LRP1B: variants seen among roughly 807,000 people sequenced by gnomAD.
LRP1B encodes low-density lipoprotein receptor-related protein 1B.
In LRP1B, 217 loss-of-function variants were observed where a neutral mutation model predicts 556.6. The observed-to-expected ratio is 0.39, with a 90% CI of 0.35 to 0.44. The LOEUF is 0.44. Ranked by LOEUF, LRP1B falls within the 20% of genes least tolerant of loss-of-function variation. The probability of loss-of-function intolerance (pLI) is 1.00; values close to 1 mark genes in which losing one functional copy is unlikely to be tolerated. For missense variants in LRP1B, 5,053 were observed against 5,620.8 expected, an observed-to-expected ratio of 0.90 and a Z score of 3.23; for synonymous variants, 2,047 against 1,865.8, an observed-to-expected ratio of 1.10 and a Z score of -2.50.
At chr2:140,405,365 C>T (rs551282411) in intron 66 of LRP1B, among the ~76,000 whole-genome samples, 42 of 151,978 alleles carry the variant, frequency 2.8e-4, no homozygotes, top group Admixed American at 2.0e-3. Context: ...TAACAAAAAT[C>T]GGAGCAGAAT....
Position 140,524,548 on chromosome 2 carries a change from A to G in LRP1B, c.8026+1296T>C, listed in dbSNP as rs529767127. Among the ~76,000 whole-genome samples, 9 of 152,106 alleles carry G rather than the reference A, an allele frequency of 5.9e-5. No individual in the cohort carries two copies. In the South Asian group the frequency reaches 1.9e-3, roughly 31 times the overall value. ...AATAGCAAATATATTAAATTAATGT[A>G]GATGTCCATCAGTGGTGCACCGGAT... On this transcript the variant is annotated intron_variant, in intron 49 of 90. Transcript: ENST00000389484.
intron 3 of LRP1B, among the ~76,000 whole-genome samples, chr2:141,258,125 C>T (rs1350442155): frequency 6.6e-6 from 1 of 152,186 alleles, no homozygotes; most frequent in Non-Finnish European, 1.5e-5. Context: ...AGAACACAGA[C>T]ATGTAAACAC....
chr2:140,529,438 G>A (rs1235585059), intron 47 of LRP1B, among the ~76,000 whole-genome samples: 1 of 115,024 alleles, frequency 8.7e-6, no homozygotes, highest in African/African-American at 3.5e-5. Context: ...GAAAAGGGGG[G>A]GGGGAAGCAT....
intron 3 of LRP1B, among the ~76,000 whole-genome samples, chr2:141,266,948 C>G (rs1684912789): frequency 6.6e-6 from 1 of 152,088 alleles, no homozygotes. Context: ...TTAGCATAAT[C>G]TATAAAAAGA....
At chr2:141,303,318 A>G (rs1686464134) in intron 3 of LRP1B, among the ~76,000 whole-genome samples, 1 of 152,130 alleles carries the variant, frequency 6.6e-6, no homozygotes, top group South Asian at 2.1e-4. Flanking sequence ...ATTTTGAAAT[A>G]CACAATACAT....
At chr2:140,577,255 C>T (rs886826430) in intron 43 of LRP1B, among the ~76,000 whole-genome samples, 31 of 151,992 alleles carry the variant, frequency 2.0e-4, no homozygotes, top group African/African-American at 6.5e-4. Flanking sequence ...GAGGCTGAGG[C>T]GGGCAAATCA....
intron 20 of LRP1B, among the ~76,000 whole-genome samples, chr2:140,941,619 G>A (rs1049172017): frequency 2.6e-5 from 4 of 152,104 alleles, no homozygotes; most frequent in African/African-American, 9.7e-5. Flanking sequence ...AAAACATACT[G>A]CTTCAACATG....
chr2:141,685,792 A>G (rs1282418268), intron 2 of LRP1B, among the ~76,000 whole-genome samples: 1 of 152,058 alleles, frequency 6.6e-6, no homozygotes, highest in Non-Finnish European at 1.5e-5. Context: ...CAGAAGAAAT[A>G]AGTTAGCAGG....
At position 140,598,737 on chromosome 2, in the gene LRP1B, A is replaced by T. The variant is rs1480504707; in HGVS notation, c.7088T>A (p.Leu2363His). 1.2e-6 allele frequency: 2 copies of T among 1,613,302 alleles called. No individual in the cohort carries two copies. The highest frequency in any genetic ancestry group is 2.2e-5 in the South Asian group (2 of 91,064). Residue 2363 changes from leucine (L) to histidine (H), a missense_variant, in exon 43 of 91, where the codon CTC becomes CAC. Transcript: ENST00000389484. ...GTCGATAGTAAGTCCATTTGGAGTGAGTATGTCTGTACTGACCACCACTTG... is the reference window on the plus strand; with the variant it reads ...GTCGATAGTAAGTCCATTTGGAGTGTGTATGTCTGTACTGACCACCACTTG... ...NAQVVVSTDI[L>H]TPNGLTIDYR...
At chr2:142,088,965 G>A (rs12470903) in intron 1 of LRP1B, among the ~76,000 whole-genome samples, 93,062 of 134,934 alleles carry the variant, frequency 0.69, 31,471 homozygotes, top group Admixed American at 0.73. Context: ...ACAGAGCAAG[G>A]CTCCGTCTCA....
At chr2:141,467,852 A>AGGGGG (rs1163213986) in intron 3 of LRP1B, among the ~76,000 whole-genome samples, 2 of 133,344 alleles carry the variant, frequency 1.5e-5, no homozygotes, top group South Asian at 3.3e-4. Context: ...GGGGGGGGGA[A>AGGGGG]TTCCAGCATA....
At chr2:141,111,982 C>A (rs1700764893) in intron 7 of LRP1B, among the ~76,000 whole-genome samples, 1 of 151,428 alleles carries the variant, frequency 6.6e-6, no homozygotes, top group Non-Finnish European at 1.5e-5. Context: ...GGAGGCAGAG[C>A]TTGTAGTGAG....
At chr2:141,255,071 A>T (rs1440748536) in intron 3 of LRP1B, among the ~76,000 whole-genome samples, 1 of 152,018 alleles carries the variant, frequency 6.6e-6, no homozygotes, top group African/African-American at 2.4e-5. Context: ...ATCTCATCTC[A>T]ATATTTTATT....
chr2:140,608,248 A>G (rs940824597), intron 41 of LRP1B, among the ~76,000 whole-genome samples: 1 of 152,198 alleles, frequency 6.6e-6, no homozygotes, highest in African/African-American at 2.4e-5. Flanking sequence ...ATAGTTGTAT[A>G]TATACAAAAA....
At chr2:141,780,633 C>G (rs1262085059) in intron 2 of LRP1B, among the ~76,000 whole-genome samples, 1 of 152,092 alleles carries the variant, frequency 6.6e-6, no homozygotes, top group Non-Finnish European at 1.5e-5. Context: ...CCCTCTTTCC[C>G]AAGCCATTAT....
intron 1 of LRP1B, among the ~76,000 whole-genome samples, chr2:141,918,102 A>T (rs941948425): frequency 4.6e-5 from 7 of 152,112 alleles, no homozygotes; most frequent in Non-Finnish European, 1.0e-4. Context: ...TATTTTCTTT[A>T]AAAAGGGAAA....
chr2:140,671,013 G>C (rs143034962), intron 41 of LRP1B, among the ~76,000 whole-genome samples: 4,560 of 152,284 alleles, frequency 0.03, 102 homozygotes, highest in South Asian at 0.046. Flanking sequence ...TTAAATAAAA[G>C]TATGTTAGAA....
intron 3 of LRP1B, among the ~76,000 whole-genome samples, chr2:141,469,854 C>A (rs900179189): frequency 3.3e-5 from 5 of 152,204 alleles, no homozygotes; most frequent in African/African-American, 1.2e-4. Flanking sequence ...CCATAGTCAA[C>A]TGTCATCTGA....
At chr2:140,450,957 G>A (rs1310843188) in intron 62 of LRP1B, among the ~76,000 whole-genome samples, 1 of 152,122 alleles carries the variant, frequency 6.6e-6, no homozygotes, top group Non-Finnish European at 1.5e-5. Context: ...TGGCTTGTTG[G>A]TCGAGATAGG....
Sources: allele counts gnomAD v4.1 joint callset (sites outside exome capture counted in the v4.1 genomes callset), GRCh38; gene constraint gnomAD v4.1.1; transcripts MANE v1.5; gene names NCBI Gene and HGNC (gene_info 2026-07-23, HGNC 2026-07-21).